Variants in CNTNAP4 observed in about 807,000 individuals in gnomAD.
CNTNAP4 encodes contactin-associated protein-like 4.
CNTNAP4 carries 98 observed loss-of-function variants against 148.4 expected under a neutral mutation model. That is an observed-to-expected ratio of 0.66 (90% CI 0.56 to 0.78). The LOEUF (loss-of-function observed/expected upper bound fraction) is 0.78, where lower values mean the gene tolerates loss of function less well. CNTNAP4 is among the 30% of genes least tolerant of loss of function. The pLI is 0.00. For synonymous variants in CNTNAP4, 730 were observed against 565.1 expected, an observed-to-expected ratio of 1.29 and a Z score of -4.14; for missense variants, 1,935 against 1,565.6, an observed-to-expected ratio of 1.24 and a Z score of -3.98.
chr16:76,302,646 T>A (rs1960096234), intron 1 of CNTNAP4, among the ~76,000 whole-genome samples: 1 of 152,166 alleles, frequency 6.6e-6, no homozygotes, highest in African/African-American at 2.4e-5. Flanking sequence ...GGACCTCAAT[T>A]AATTAATTAC....
At chr16:76,351,826 G>A (rs1039814037) in intron 2 of CNTNAP4, among the ~76,000 whole-genome samples, 6 of 152,146 alleles carry the variant, frequency 3.9e-5, no homozygotes, top group African/African-American at 9.7e-5. Context: ...TTGATGATCC[G>A]ATTTTAACTC....
intron 3 of CNTNAP4, among the ~76,000 whole-genome samples, chr16:76,379,732 C>T (rs1378626561): frequency 1.3e-5 from 2 of 152,168 alleles, no homozygotes; most frequent in Non-Finnish European, 2.9e-5. Context: ...GTTAGGTGTA[C>T]ACATCAGTTT....
intron 1 of CNTNAP4, among the ~76,000 whole-genome samples, chr16:76,286,887 G>C (rs73619262): frequency 0.07 from 10,669 of 152,156 alleles, 528 homozygotes; most frequent in East Asian, 0.2. Flanking sequence ...AAAGAACATT[G>C]CTAAAATAAA....
At chr16:76,288,146 C>T (rs549713687) in intron 1 of CNTNAP4, among the ~76,000 whole-genome samples, 8 of 152,092 alleles carry the variant, frequency 5.3e-5, no homozygotes, top group African/African-American at 4.8e-5. Flanking sequence ...AATGAGATCT[C>T]GTGAGATATG....
chr16:76,525,500 TTTTATAG>T (rs1268111293), intron 17 of CNTNAP4, among the ~76,000 whole-genome samples: 2 of 147,892 alleles, frequency 1.4e-5, no homozygotes, highest in Non-Finnish European at 3.0e-5. Context: ...TATATATAGT[TTTTATAG>T]TTTATAGTTA....
intron 21 of CNTNAP4, among the ~76,000 whole-genome samples, 167 bp from the exon 22 acceptor site, chr16:76,553,116 A>T (rs1336047446): frequency 6.6e-6 from 1 of 152,218 alleles, no homozygotes; most frequent in African/African-American, 2.4e-5. Context: ...AATCTTACCA[A>T]TAGTAGTGGA....
intron 18 of CNTNAP4, among the ~76,000 whole-genome samples, 196 bp from the exon 19 acceptor site, chr16:76,537,920 A>C (rs1287566980): frequency 2.0e-5 from 3 of 152,136 alleles, no homozygotes; most frequent in Non-Finnish European, 4.4e-5. Context: ...CATTAATTAT[A>C]TGTCATTTTA....
chr16:76,293,089 A>G (rs1396908460), intron 1 of CNTNAP4, among the ~76,000 whole-genome samples: 1 of 151,776 alleles, frequency 6.6e-6, no homozygotes, highest in Non-Finnish European at 1.5e-5. Flanking sequence ...CTCTCTTTAT[A>G]GTTATGCCTG....
chr16:76,429,840 A>G (rs977466626), intron 4 of CNTNAP4, among the ~76,000 whole-genome samples: 1 of 152,222 alleles, frequency 6.6e-6, no homozygotes, highest in Non-Finnish European at 1.5e-5. Flanking sequence ...TTCTTTTCAC[A>G]TTGACCCATG....
intron 23 of CNTNAP4, 60 bp downstream of exon 23, chr16:76,553,967 A>G: frequency 1.9e-6 from 2 of 1,074,202 alleles, no homozygotes; most frequent in Non-Finnish European, 2.8e-6. Flanking sequence ...GATGATGAAT[A>G]TTTAGCATTG....
At chr16:76,364,450 A>G (rs1273044984) in intron 3 of CNTNAP4, among the ~76,000 whole-genome samples, 2 of 152,126 alleles carry the variant, frequency 1.3e-5, no homozygotes, top group African/African-American at 4.8e-5. Flanking sequence ...CCCCCATTCC[A>G]GTTCATTTTC....
At chr16:76,522,752 TTTTCTTTTCTTTTCTTTTCTTTTC>T (rs1390776683) in intron 17 of CNTNAP4, among the ~76,000 whole-genome samples, 4,408 of 113,938 alleles carry the variant, frequency 0.039, 484 homozygotes, top group Non-Finnish European at 0.049. Flanking sequence ...TTTTCTTTTC[TTTTCTTTTCTTTTCTTTTCTTTTC>T]TTTCTTGACA....
At position 76,456,683 on chromosome 16, in the gene CNTNAP4, C is replaced by T. The variant is rs576512091; in HGVS notation, c.1333+3914C>T. On this transcript the variant is annotated intron_variant, in intron 8 of 23. Transcript: ENST00000611870. ...AGATTCTTACAACACCAAGGTCTCA[C>T]TGGTGGTACCAGGCTGTGTCCTAGC... is the stretch of plus-strand genomic sequence containing the variant. Among the ~76,000 whole-genome samples the T allele has an allele frequency of 4.6e-5, 7 of 152,302 alleles. No individual in the cohort carries two copies. The East Asian group carries it at 1.3e-3, about 29-fold the overall frequency.
At chr16:76,546,709 T>G (rs1412869899) in intron 21 of CNTNAP4, among the ~76,000 whole-genome samples, 1 of 152,200 alleles carries the variant, frequency 6.6e-6, no homozygotes, top group African/African-American at 2.4e-5. Flanking sequence ...GTAGAAAACC[T>G]GTCTTCCTTG....
At chr16:76,344,458 G>A (rs996959646) in intron 2 of CNTNAP4, among the ~76,000 whole-genome samples, 1 of 152,168 alleles carries the variant, frequency 6.6e-6, no homozygotes, top group African/African-American at 2.4e-5. Context: ...CAGATTTGGG[G>A]ATGTTAAGCA....
chr16:76,489,034 G>T (rs2082120611), intron 12 of CNTNAP4, among the ~76,000 whole-genome samples: 1 of 152,056 alleles, frequency 6.6e-6, no homozygotes, highest in African/African-American at 2.4e-5. Context: ...CAGATCACAT[G>T]ATATCAAAAT....
intron 1 of CNTNAP4, among the ~76,000 whole-genome samples, chr16:76,305,940 T>G (rs1960432911): frequency 6.6e-6 from 1 of 152,238 alleles, no homozygotes; most frequent in South Asian, 2.1e-4. Flanking sequence ...ATTAATTTAC[T>G]TAAGCTTATG....
chr16:76,300,124 C>T (rs761298304), intron 1 of CNTNAP4, among the ~76,000 whole-genome samples: 5 of 151,296 alleles, frequency 3.3e-5, no homozygotes, highest in Admixed American at 6.6e-5. Flanking sequence ...TGCACATCTA[C>T]CCTAAAACTT....
intron 21 of CNTNAP4, among the ~76,000 whole-genome samples, 173 bp downstream of exon 21, chr16:76,540,963 G>A (rs1248897538): frequency 6.6e-6 from 1 of 152,082 alleles, no homozygotes; most frequent in African/African-American, 2.4e-5. Flanking sequence ...CATGAGTAGG[G>A]GCGTCCTGTG....
Sources: allele counts gnomAD v4.1 joint callset (sites outside exome capture counted in the v4.1 genomes callset), GRCh38; gene constraint gnomAD v4.1.1; transcripts MANE v1.5; gene names NCBI Gene and HGNC (gene_info 2026-07-23, HGNC 2026-07-21).